The following IFIH1 variants were observed in gnomAD, a reference collection of about 807,000 sequenced individuals.
The protein encoded by IFIH1 is interferon-induced helicase C domain-containing protein 1.
Under a neutral mutation model 107.4 loss-of-function variants are expected in IFIH1, and 125 were observed. The ratio of observed to expected loss-of-function variants is 1.16; its 90% CI spans 1.01 to 1.35. The LOEUF is 1.35. Ranked by LOEUF, IFIH1 falls within the 40% of genes most tolerant of loss-of-function variation. The pLI is 0.00. For synonymous variants in IFIH1, 458 were observed against 413.2 expected (o/e 1.11, Z -1.31); for missense variants, 1,333 against 1,213.7 (o/e 1.10, Z -1.46).
At chr2:162,303,231 C>T (rs566391331) in intron 3 of IFIH1, among the ~76,000 whole-genome samples, 2 of 152,296 alleles carry the variant, frequency 1.3e-5, no homozygotes, top group Admixed American at 6.5e-5. Flanking sequence ...TCCCCTGCCT[C>T]AGCCTTCCAA....
At position 162,278,344 on chromosome 2, in the gene IFIH1, A is replaced by G. The variant is rs774913212; in HGVS notation, c.1642-16T>C. 7.6e-6 allele frequency: 9 copies of G among 1,180,416 alleles called. No homozygotes were observed. The highest frequency in any genetic ancestry group is 4.8e-5 in the East Asian group (2 of 41,726). The allele number at this position is 1,180,416 out of a possible 1,614,324, so 73.1% of individuals were successfully genotyped here. A position where few individuals can be genotyped will look rare whatever the true frequency, so the allele number is the denominator to read the frequency against. Reference sequence around the variant, plus strand: ...TAAATGGATCCTAAAAATAAAGTACACACTTATTCTTATGTATTCTTATTG... The same window carrying G: ...TAAATGGATCCTAAAAATAAAGTACGCACTTATTCTTATGTATTCTTATTG... On this transcript the variant is annotated splice_polypyrimidine_tract_variant and intron_variant, in intron 8 of 15. Transcript: ENST00000649979.
Position 162,283,351 on chromosome 2 carries a change from C to T in IFIH1, c.1096-775G>A, listed in dbSNP as rs115524123. Among the ~76,000 whole-genome samples, 297 of 152,048 alleles carry T rather than the reference C, an allele frequency of 2.0e-3. 2 individuals carry two copies. Among genetic ancestry groups the T allele is most frequent in the African/African-American group, 6.8e-3 (284 of 41,516 alleles). On this transcript the variant is annotated intron_variant, in intron 5 of 15. Transcript: ENST00000649979. ...GACCTGGCAAAAGAAGTGGAAACTT[C>T]GGGTCCTTCTCAGCTGATTCTGTAT...
chr2:162,292,462 T>C (rs1368619999), intron 4 of IFIH1, among the ~76,000 whole-genome samples: 1 of 151,796 alleles, frequency 6.6e-6, no homozygotes, highest in African/African-American at 2.4e-5. Context: ...TTCAGGAGTG[T>C]CATTGTGATA....
At chr2:162,302,010 C>G (rs988229536) in intron 3 of IFIH1, among the ~76,000 whole-genome samples, 17 of 152,032 alleles carry the variant, frequency 1.1e-4, no homozygotes, top group Non-Finnish European at 2.1e-4. Flanking sequence ...GATTTGTAAA[C>G]ATAGGTGGGA....
At chr2:162,285,619 G>T (rs1682881049) in intron 5 of IFIH1, among the ~76,000 whole-genome samples, 1 of 151,930 alleles carries the variant, frequency 6.6e-6, no homozygotes, top group Non-Finnish European at 1.5e-5. Context: ...AAGTCCCCAG[G>T]TGTCCACACA....
At chr2:162,278,355 T>C (rs1682744326) in intron 8 of IFIH1, 27 bp from the exon 9 acceptor site, 1 of 1,060,526 alleles carries the variant, frequency 9.4e-7, no homozygotes, top group Non-Finnish European at 1.4e-6. Flanking sequence ...CACTTATTCT[T>C]ATGTATTCTT....
At chr2:162,304,175 T>C (rs1683240994) in intron 3 of IFIH1, among the ~76,000 whole-genome samples, 1 of 152,064 alleles carries the variant, frequency 6.6e-6, no homozygotes, top group African/African-American at 2.4e-5. Context: ...TCGCATTACA[T>C]TAAAAAACAA....
At position 162,281,520 on chromosome 2, in the gene IFIH1, TTCATCAATGATAATGA is replaced by T; in HGVS notation, c.1316_1331del (p.Leu439HisfsTer15). On this transcript the variant is annotated frameshift_variant, in exon 7 of 16. Transcript: ENST00000649979. LOFTEE classifies it high-confidence loss of function. The stretch of plus-strand genomic sequence containing the variant: ...CTGCTTCTTTGTTGGTGTGATGACA[TTCATCAATGATAATGA>T]GGGAAAAGTCTTAAAAGAAAATTCA... The T allele has an allele frequency of 6.2e-7, 1 of 1,610,414 alleles. No homozygotes were observed. Among genetic ancestry groups the T allele is most frequent in the Admixed American group, 1.7e-5 (1 of 59,716 alleles).
At chr2:162,289,831 T>A (rs1245878126) in intron 4 of IFIH1, among the ~76,000 whole-genome samples, 1 of 151,998 alleles carries the variant, frequency 6.6e-6, no homozygotes, top group Non-Finnish European at 1.5e-5. Flanking sequence ...AAAACTCATT[T>A]AAAATCACCA....
chr2:162,284,752 TATC>T (rs1161479650), intron 5 of IFIH1, among the ~76,000 whole-genome samples: 4 of 152,012 alleles, frequency 2.6e-5, no homozygotes, highest in Non-Finnish European at 4.4e-5. Flanking sequence ...AAATATTAAT[TATC>T]ATATTATCAA....
chr2:162,301,919 A>G (rs1471597594), intron 3 of IFIH1, among the ~76,000 whole-genome samples: 1 of 152,194 alleles, frequency 6.6e-6, no homozygotes, highest in Non-Finnish European at 1.5e-5. Context: ...TTTTGTTTAG[A>G]AATTGTTTTG....
intron 4 of IFIH1, among the ~76,000 whole-genome samples, chr2:162,290,412 T>C (rs932530416): frequency 6.6e-6 from 1 of 151,904 alleles, no homozygotes; most frequent in African/African-American, 2.4e-5. Flanking sequence ...ATATTACTCA[T>C]GCATTCTAAT....
intron 13 of IFIH1, among the ~76,000 whole-genome samples, chr2:162,270,286 A>T (rs927319752): frequency 6.6e-6 from 1 of 152,204 alleles, no homozygotes; most frequent in Non-Finnish European, 1.5e-5. Context: ...TTGCTCCTAG[A>T]AGTCTGATTT....
In IFIH1 at chr2:162,276,651, G is replaced by GA. The variant is rs756411629; in HGVS notation, c.2304+35dup. 2.6e-6 allele frequency: 4 copies of GA among 1,567,820 alleles called. No individual in the cohort carries two copies. The Admixed American group carries it at 8.1e-5, about 32-fold the overall frequency. The stretch of plus-strand genomic sequence containing the variant: ...AGAGAAGAGAAGAAGAAAAGAGAAA[G>GA]AAAAGAAAAGAAGTCGTCCAAAAGG... On this transcript the variant is annotated intron_variant, in intron 11 of 15. Transcript: ENST00000649979.
At chr2:162,295,846 T>G (rs1683076588) in intron 3 of IFIH1, among the ~76,000 whole-genome samples, 1 of 151,828 alleles carries the variant, frequency 6.6e-6, no homozygotes, top group Admixed American at 6.6e-5. Context: ...GAGAATATGA[T>G]TTGTAAGGAA....
intron 3 of IFIH1, among the ~76,000 whole-genome samples, chr2:162,294,303 T>C (rs1683048209): frequency 6.6e-6 from 1 of 151,958 alleles, no homozygotes. Context: ...TATGGATGAA[T>C]AGCAGTGCAC....
At chr2:162,308,059 G>A (rs1278859049) in intron 2 of IFIH1, among the ~76,000 whole-genome samples, 3 of 152,168 alleles carry the variant, frequency 2.0e-5, no homozygotes, top group Non-Finnish European at 4.4e-5. Context: ...ATCAGGATCC[G>A]ATATGTATCA....
chr2:162,276,603 T>A (rs545927250), intron 11 of IFIH1, 84 bp downstream of exon 11: 1 of 1,463,872 alleles, frequency 6.8e-7, no homozygotes, highest in East Asian at 2.3e-5. Flanking sequence ...AGGCCTCGTC[T>A]GAAAGAAAAG....
At chr2:162,279,655 G>A (rs547879073) in intron 8 of IFIH1, among the ~76,000 whole-genome samples, 74 of 152,004 alleles carry the variant, frequency 4.9e-4, no homozygotes, top group African/African-American at 1.7e-3. Context: ...AATCAATCCT[G>A]GAATTCACGA....
Sources: gnomAD v4.1 joint callset for allele counts (sites outside exome capture counted in the v4.1 genomes callset) on GRCh38, gnomAD v4.1.1 for gene constraint, MANE v1.5 for transcripts, NCBI Gene and HGNC (gene_info 2026-07-23, HGNC 2026-07-21) for gene names.